The following SPATA17 variants were observed in gnomAD, a reference collection of about 807,000 sequenced individuals.
SPATA17 encodes spermatogenesis-associated protein 17.
SPATA17 carries 53 observed loss-of-function variants against 62.2 expected under a neutral mutation model. The ratio of observed to expected loss-of-function variants is 0.85; its 90% CI spans 0.68 to 1.07. The LOEUF (loss-of-function observed/expected upper bound fraction) is 1.07, where lower values mean the gene tolerates loss of function less well. Among genes scored for constraint, SPATA17 ranks in the 50% least tolerant of loss-of-function variants. The pLI, the probability that SPATA17 is intolerant of heterozygous loss-of-function variation, is 0.00. For missense variants in SPATA17, 466 were observed against 425.5 expected (o/e 1.10, Z -0.84); for synonymous variants, 146 against 146.8 (o/e 0.99, Z 0.04).
chr1:217,694,786 A>C (rs1427777964), intron 5 of SPATA17, among the ~76,000 whole-genome samples: 1 of 146,502 alleles, frequency 6.8e-6, no homozygotes, highest in African/African-American at 2.5e-5. Context: ...TTCTGGGTTG[A>C]AAATTCTTTT....
intron 3 of SPATA17, 55 bp from the exon 4 acceptor site, chr1:217,668,978 C>A: frequency 1.4e-6 from 2 of 1,405,250 alleles, no homozygotes; most frequent in Non-Finnish European, 2.0e-6. Context: ...TAAAAATAGG[C>A]TGCACTGTCT....
chr1:217,863,889 T>G (rs1412836711), intron 10 of SPATA17, among the ~76,000 whole-genome samples: 1 of 152,116 alleles, frequency 6.6e-6, no homozygotes, highest in Non-Finnish European at 1.5e-5. Context: ...CCCCCAGCTA[T>G]CCTCTCAGAC....
At chr1:217,673,458 C>T (rs1670874043) in intron 4 of SPATA17, among the ~76,000 whole-genome samples, 1 of 152,152 alleles carries the variant, frequency 6.6e-6, no homozygotes, top group Non-Finnish European at 1.5e-5. Context: ...TTCAATTTGA[C>T]TTTACTCCAG....
chr1:217,779,599 A>T (rs1571800685), intron 7 of SPATA17, among the ~76,000 whole-genome samples: 1 of 149,548 alleles, frequency 6.7e-6, no homozygotes. Context: ...TCTTTTCTTC[A>T]CCATTCTTCT....
At chr1:217,680,610 A>G (rs938300684) in intron 4 of SPATA17, among the ~76,000 whole-genome samples, 6 of 152,152 alleles carry the variant, frequency 3.9e-5, no homozygotes, top group African/African-American at 4.8e-5. Context: ...TTAGTTTGCT[A>G]TACTACTAGT....
intron 9 of SPATA17, among the ~76,000 whole-genome samples, chr1:217,843,318 C>T (rs1675452116): frequency 6.6e-6 from 1 of 151,980 alleles, no homozygotes; most frequent in Non-Finnish European, 1.5e-5. Context: ...TCCTGAAACA[C>T]TAAAATGAAT....
chr1:217,841,294 G>A (rs1675390995), intron 9 of SPATA17, among the ~76,000 whole-genome samples: 2 of 151,998 alleles, frequency 1.3e-5, no homozygotes, highest in Admixed American at 1.3e-4. Flanking sequence ...CAATAGGGAT[G>A]AAAACATAGT....
intron 5 of SPATA17, among the ~76,000 whole-genome samples, chr1:217,714,301 A>G (rs367664737): frequency 2.6e-5 from 4 of 151,936 alleles, no homozygotes; most frequent in African/African-American, 9.6e-5. Flanking sequence ...ATGCAGGAGA[A>G]TGTCTTGAAC....
chr1:217,806,886 C>T (rs1251155014), intron 9 of SPATA17, among the ~76,000 whole-genome samples: 3 of 152,068 alleles, frequency 2.0e-5, no homozygotes, highest in Admixed American at 6.6e-5. Context: ...GTGGGGGTGG[C>T]TACAAAATTC....
chr1:217,713,963 A>G (rs1404687928), intron 5 of SPATA17, among the ~76,000 whole-genome samples: 1 of 152,192 alleles, frequency 6.6e-6, no homozygotes, highest in Non-Finnish European at 1.5e-5. Flanking sequence ...ATTTCTGATG[A>G]ATATTGATGA....
intron 9 of SPATA17, among the ~76,000 whole-genome samples, chr1:217,813,303 C>A (rs904343075): frequency 6.6e-6 from 1 of 152,108 alleles, no homozygotes; most frequent in Admixed American, 6.5e-5. Context: ...GCTTAACGAC[C>A]GTGATTATGA....
At chr1:217,793,921 C>G (rs1674068656) in intron 8 of SPATA17, among the ~76,000 whole-genome samples, 1 of 151,948 alleles carries the variant, frequency 6.6e-6, no homozygotes, top group African/African-American at 2.4e-5. Flanking sequence ...CGAGACCATC[C>G]TGGCTATCAC....
chr1:217,809,745 G>GT (rs1210025276), intron 9 of SPATA17, among the ~76,000 whole-genome samples: 4 of 152,040 alleles, frequency 2.6e-5, no homozygotes, highest in African/African-American at 9.7e-5. Flanking sequence ...GCCACACTGG[G>GT]GATCAAATTT....
intron 9 of SPATA17, among the ~76,000 whole-genome samples, chr1:217,806,006 CT>C (rs1327047774): frequency 6.6e-6 from 1 of 152,104 alleles, no homozygotes; most frequent in Non-Finnish European, 1.5e-5. Context: ...GGCAAACTTC[CT>C]GTGTAGCTGT....
chr1:217,758,555 T>A (rs1382226422), intron 6 of SPATA17, among the ~76,000 whole-genome samples: 1 of 152,178 alleles, frequency 6.6e-6, no homozygotes, highest in East Asian at 1.9e-4. Context: ...GAATTTGGAT[T>A]TTGTTAATCT....
At chr1:217,794,201 T>C (rs1674078250) in intron 8 of SPATA17, among the ~76,000 whole-genome samples, 1 of 152,058 alleles carries the variant, frequency 6.6e-6, no homozygotes. Context: ...CATTCATTAG[T>C]AGATTTTACT....
chr1:217,856,936 T>C (rs1037842179), intron 9 of SPATA17, among the ~76,000 whole-genome samples: 7 of 152,214 alleles, frequency 4.6e-5, no homozygotes, highest in Non-Finnish European at 2.9e-5. Flanking sequence ...CCAGACTTAG[T>C]TGAAGTCTCG....
intron 1 of SPATA17, among the ~76,000 whole-genome samples, chr1:217,644,473 C>A (rs1225686490): frequency 1.3e-5 from 2 of 151,548 alleles, no homozygotes; most frequent in Non-Finnish European, 2.9e-5. Context: ...TTCCCACTGT[C>A]TAAAATAGTT....
At chr1:217,766,110 C>T (rs1403889222) in intron 6 of SPATA17, among the ~76,000 whole-genome samples, 3 of 151,886 alleles carry the variant, frequency 2.0e-5, no homozygotes, top group Non-Finnish European at 4.4e-5. Flanking sequence ...TTTATCCACT[C>T]TGACAATCTC....
Sources: gnomAD v4.1 joint callset for allele counts (sites outside exome capture counted in the v4.1 genomes callset) on GRCh38, gnomAD v4.1.1 for gene constraint, MANE v1.5 for transcripts, NCBI Gene and HGNC (gene_info 2026-07-23, HGNC 2026-07-21) for gene names.